GPM6A: variants seen among roughly 807,000 people sequenced by gnomAD.
GPM6A encodes the protein neuronal membrane glycoprotein M6-a.
GPM6A carries 7 observed loss-of-function variants against 32.1 expected under a neutral mutation model. The observed-to-expected ratio is 0.22, with a 90% CI of 0.12 to 0.41. GPM6A has a LOEUF of 0.41. Among genes scored for constraint, GPM6A ranks in the 10% least tolerant of loss-of-function variants. The probability of loss-of-function intolerance (pLI) is 1.00; values close to 1 mark genes in which losing one functional copy is unlikely to be tolerated. For synonymous variants in GPM6A, 130 were observed against 123.4 expected, an observed-to-expected ratio of 1.05 and a Z score of -0.35; for missense variants, 235 against 347.2, an observed-to-expected ratio of 0.68 and a Z score of 2.57.
At chr4:175,638,358 C>A (rs1477439512) in intron 6 of GPM6A, among the ~76,000 whole-genome samples, 1 of 151,856 alleles carries the variant, frequency 6.6e-6, no homozygotes, top group Non-Finnish European at 1.5e-5. Context: ...ATACTTAGGT[C>A]AATCATTTAA....
intron 1 of GPM6A, among the ~76,000 whole-genome samples, chr4:175,856,904 C>T (rs1736435843): frequency 6.6e-6 from 1 of 151,896 alleles, no homozygotes; most frequent in African/African-American, 2.4e-5. Context: ...GCATGGCAGG[C>T]CAGGGTTGTT....
chr4:175,794,503 A>G (rs1421887844), intron 1 of GPM6A, among the ~76,000 whole-genome samples: 1 of 152,254 alleles, frequency 6.6e-6, no homozygotes, highest in Admixed American at 6.5e-5. Flanking sequence ...CAATCATTAT[A>G]CTATTCTGTT....
chr4:175,920,643 T>C (rs757020408), intron 1 of GPM6A, among the ~76,000 whole-genome samples: 8 of 151,746 alleles, frequency 5.3e-5, no homozygotes, highest in Non-Finnish European at 1.2e-4. Context: ...AGCTCAGGAG[T>C]TCGAGACTAG....
chr4:175,767,666 T>C (rs961197539), intron 1 of GPM6A, among the ~76,000 whole-genome samples: 3 of 152,374 alleles, frequency 2.0e-5, no homozygotes, highest in Admixed American at 6.5e-5. Flanking sequence ...CTTCAGCCAT[T>C]GGGCAGTAAT....
At chr4:175,973,243 G>C (rs925253233) in intron 1 of GPM6A, among the ~76,000 whole-genome samples, 7 of 152,156 alleles carry the variant, frequency 4.6e-5, no homozygotes, top group Admixed American at 3.3e-4. Flanking sequence ...AGCAGTCCAC[G>C]TCAACAGAGT....
intron 1 of GPM6A, among the ~76,000 whole-genome samples, chr4:175,989,999 A>G (rs549869462): frequency 3.1e-4 from 47 of 152,302 alleles, no homozygotes; most frequent in African/African-American, 1.1e-3. Context: ...CACTGGGTTG[A>G]CAGAAGTCAT....
intron 1 of GPM6A, among the ~76,000 whole-genome samples, chr4:175,892,982 C>G (rs1378225486): frequency 6.6e-6 from 1 of 152,190 alleles, no homozygotes; most frequent in Non-Finnish European, 1.5e-5. Context: ...TTGGGCTGGT[C>G]CTGCTCCTGA....
intron 1 of GPM6A, among the ~76,000 whole-genome samples, chr4:175,911,825 G>C (rs1738329635): frequency 6.6e-6 from 1 of 152,140 alleles, no homozygotes; most frequent in Non-Finnish European, 1.5e-5. Flanking sequence ...AATGAAAGAA[G>C]AGTGAGTAAA....
upstream of GPM6A, among the ~76,000 whole-genome samples, chr4:175,814,058 A>G (rs1022236662): frequency 5.3e-5 from 8 of 152,246 alleles, no homozygotes; most frequent in Admixed American, 2.0e-4. Flanking sequence ...CTAGGCTGAC[A>G]TAACCTGGCA....
intron 1 of GPM6A, chr4:175,806,036 G>C (rs1307617145): frequency 3.3e-5 from 5 of 152,228 alleles, no homozygotes; most frequent in Non-Finnish European, 5.9e-5. Context: ...ATCCACAGCT[G>C]TGCCACCTGT....
rs76663829 is a variant in GPM6A at position 175,967,965 on chromosome 4, C to T, written c.-23+34344G>A. On this transcript the variant is annotated intron_variant, in intron 1 of 7. Coordinates refer to the GPM6A transcript ENST00000280187. ...CAGAAAAAATACAACATCAACAGCA[C>T]GATGTTGAAGGAGAAGAACAAAGTT... Among the ~76,000 whole-genome samples the T allele has an allele frequency of 7.9e-3, 1,199 of 152,176 alleles. 7 individuals carry two copies. The highest frequency in any genetic ancestry group is 0.011 in the Non-Finnish European group (757 of 67,982).
At chr4:175,725,998 T>TTC (rs1473653844) in intron 1 of GPM6A, among the ~76,000 whole-genome samples, 2 of 145,578 alleles carry the variant, frequency 1.4e-5, no homozygotes, top group African/African-American at 5.2e-5. Flanking sequence ...TTCTTCTTTT[T>TTC]TTTTTTTTTT....
chr4:175,969,604 G>C (rs1225378872), intron 1 of GPM6A, among the ~76,000 whole-genome samples: 2 of 152,072 alleles, frequency 1.3e-5, no homozygotes, highest in East Asian at 3.9e-4. Context: ...CCAGCTACTT[G>C]GGAGGCTGAG....
At chr4:175,755,865 C>G (rs755233391) in intron 1 of GPM6A, among the ~76,000 whole-genome samples, 1 of 152,098 alleles carries the variant, frequency 6.6e-6, no homozygotes, top group Non-Finnish European at 1.5e-5. Context: ...GTGACTACAA[C>G]GATCTCAGGA....
chr4:175,719,957 C>T (rs997201892), intron 1 of GPM6A, among the ~76,000 whole-genome samples: 2 of 152,082 alleles, frequency 1.3e-5, no homozygotes, highest in Non-Finnish European at 2.9e-5. Flanking sequence ...GAAGAAACGT[C>T]GATTTTATTT....
intron 1 of GPM6A, among the ~76,000 whole-genome samples, chr4:175,727,452 C>T (rs1351528433): frequency 6.6e-6 from 1 of 152,140 alleles, no homozygotes; most frequent in Non-Finnish European, 1.5e-5. Flanking sequence ...TGTATTCATT[C>T]AATATCCTTA....
At chr4:175,832,049 T>A (rs1022690254) in intron 1 of GPM6A, among the ~76,000 whole-genome samples, 3 of 152,048 alleles carry the variant, frequency 2.0e-5, no homozygotes, top group African/African-American at 4.8e-5. Flanking sequence ...GACTTCTTAA[T>A]GCTGGAAGTA....
chr4:175,999,188 T>C (rs939471038), intron 1 of GPM6A, among the ~76,000 whole-genome samples: 2 of 152,220 alleles, frequency 1.3e-5, no homozygotes, highest in African/African-American at 2.4e-5. Context: ...AGTCTCATAG[T>C]GATATACATG....
chr4:175,712,979 A>G (rs1745639055), intron 1 of GPM6A, among the ~76,000 whole-genome samples: 1 of 152,190 alleles, frequency 6.6e-6, no homozygotes, highest in Non-Finnish European at 1.5e-5. Flanking sequence ...TGCAGTGCTC[A>G]TCAGCACATC....
Sources: gnomAD v4.1 joint callset for allele counts (sites outside exome capture counted in the v4.1 genomes callset) on GRCh38, gnomAD v4.1.1 for gene constraint, MANE v1.5 for transcripts, NCBI Gene and HGNC (gene_info 2026-07-23, HGNC 2026-07-21) for gene names.